The following SAV1 variants were observed in gnomAD, a reference collection of about 807,000 sequenced individuals.
SAV1 encodes the protein protein salvador homolog 1.
In SAV1, 23 loss-of-function variants were observed where a neutral mutation model predicts 47.3. The observed-to-expected ratio is 0.49, with a 90% CI of 0.35 to 0.69. The LOEUF is 0.69. Ranked by LOEUF, SAV1 falls within the 30% of genes least tolerant of loss-of-function variation. SAV1 has a pLI of 0.01. For synonymous variants in SAV1, 155 were observed against 159.2 expected (o/e 0.97, Z 0.20); for missense variants, 448 against 457.4 (o/e 0.98, Z 0.19).
intron 2 of SAV1, among the ~76,000 whole-genome samples, chr14:50,648,436 A>G (rs1000262128): frequency 6.6e-6 from 1 of 152,192 alleles, no homozygotes; most frequent in African/African-American, 2.4e-5. Flanking sequence ...TAAATTTACT[A>G]TACTTTTTAA....
intron 2 of SAV1, among the ~76,000 whole-genome samples, chr14:50,654,422 T>C (rs2039795155): frequency 6.6e-6 from 1 of 152,262 alleles, no homozygotes; most frequent in South Asian, 2.1e-4. Context: ...CCAGCAGCAA[T>C]GCAGTCACAT....
At chr14:50,658,140 C>T (rs748686677) in intron 2 of SAV1, among the ~76,000 whole-genome samples, 1 of 152,186 alleles carries the variant, frequency 6.6e-6, no homozygotes, top group Non-Finnish European at 1.5e-5. Context: ...AAGGTGGTGT[C>T]TCTAAAGATT....
chr14:50,653,176 A>G (rs766493071), intron 2 of SAV1, among the ~76,000 whole-genome samples: 6 of 152,226 alleles, frequency 3.9e-5, no homozygotes, highest in Non-Finnish European at 5.9e-5. Flanking sequence ...CAACAATGAA[A>G]TGCAATGCAG....
Position 50,634,272 on chromosome 14 carries a change from A to C in SAV1, c.*911T>G. 1 of 392,044 alleles carries C rather than the reference A, an allele frequency of 2.6e-6. No individual in the cohort carries two copies. The highest frequency in any genetic ancestry group is 1.8e-5 in the South Asian group (1 of 54,544). The allele number at this position is 392,044 out of a possible 1,614,324, so 24.3% of individuals were successfully genotyped here. ...CTTATATGTATTCCTGAAAGATTAA[A>C]AGGCCCGTCACCCATTCATACCAAA... On this transcript the variant is annotated 3_prime_UTR_variant, in exon 5 of 5. Coordinates refer to ENST00000324679, the MANE Select transcript of SAV1 (RefSeq NM_021818.4).
chr14:50,646,169 C>A (rs1251513804), intron 2 of SAV1, among the ~76,000 whole-genome samples: 2 of 152,120 alleles, frequency 1.3e-5, no homozygotes, highest in Non-Finnish European at 2.9e-5. Context: ...TTTTCCTATA[C>A]ATACGTATCT....
At chr14:50,642,852 T>C (rs2039691273) in intron 3 of SAV1, among the ~76,000 whole-genome samples, 1 of 152,220 alleles carries the variant, frequency 6.6e-6, no homozygotes. Context: ...TCTTTGATAG[T>C]ACAACTGGGG....
chr14:50,663,502 C>T (rs1286397163), intron 2 of SAV1, among the ~76,000 whole-genome samples: 1 of 152,172 alleles, frequency 6.6e-6, no homozygotes, highest in Admixed American at 6.5e-5. Flanking sequence ...TTTACCCATG[C>T]CTCTTACTGC....
At chr14:50,635,468 A>G (rs1019737887) in intron 4 of SAV1, 84 bp from the exon 5 acceptor site, 16 of 1,063,902 alleles carry the variant, frequency 1.5e-5, no homozygotes, top group Non-Finnish European at 2.1e-5. Context: ...GTTTTTTAAA[A>G]TGTCAACTTT....
At chr14:50,667,606 C>A in intron 1 of SAV1, 1 of 500,844 alleles carries the variant, frequency 2.0e-6, no homozygotes, top group South Asian at 2.2e-5. Context: ...TCAAAACCAA[C>A]AACTCTGCCT....
chr14:50,646,494 T>G (rs1317468393), intron 2 of SAV1, among the ~76,000 whole-genome samples: 2 of 152,130 alleles, frequency 1.3e-5, no homozygotes, highest in Non-Finnish European at 2.9e-5. Context: ...GAGACCAGCC[T>G]GACCAACATG....
intron 4 of SAV1, among the ~76,000 whole-genome samples, chr14:50,638,207 CTTCT>C (rs2039652297): frequency 6.6e-6 from 1 of 152,088 alleles, no homozygotes; most frequent in Non-Finnish European, 1.5e-5. Flanking sequence ...CTAAGTGTTC[CTTCT>C]TTTTCTGAAA....
At chr14:50,667,078 C>A (rs1490059138) in intron 1 of SAV1, among the ~76,000 whole-genome samples, 2 of 152,066 alleles carry the variant, frequency 1.3e-5, no homozygotes, top group Non-Finnish European at 2.9e-5. Context: ...CAGCTCCATG[C>A]CTCACAAATG....
At chr14:50,648,974 A>G (rs1415802036) in intron 2 of SAV1, among the ~76,000 whole-genome samples, 1 of 152,150 alleles carries the variant, frequency 6.6e-6, no homozygotes, top group Admixed American at 6.5e-5. Context: ...TATAACTTTC[A>G]ATATGAAGCC....
chr14:50,652,725 C>T (rs1446828769), intron 2 of SAV1, among the ~76,000 whole-genome samples: 1 of 152,102 alleles, frequency 6.6e-6, no homozygotes, highest in Non-Finnish European at 1.5e-5. Flanking sequence ...AGAAAAACAT[C>T]AGACTTTTGA....
At position 50,667,942 on chromosome 14, in the gene SAV1, T is replaced by C. The variant is rs1414794046; in HGVS notation, c.26A>G (p.Asn9Ser). 61 of 1,611,464 alleles carry C rather than the reference T, an allele frequency of 3.8e-5. No homozygotes were observed. Among genetic ancestry groups the C allele is most frequent in the Non-Finnish European group, 4.9e-5 (58 of 1,179,066 alleles). MLSRKKTK[N>S]EVSKPAEVQG... ...CACCTCGGCCGGCTTGGACACTTCG[T>C]TTTTGGTTTTCTTTCGGGACAGCAT... is the stretch of plus-strand genomic sequence containing the variant. Residue 9 changes from asparagine to serine, a missense_variant, in exon 1 of 5, where the codon AAC becomes AGC. Asn to Ser is a conservative substitution (Grantham distance 46). Transcript: ENST00000324679.
intron 2 of SAV1, among the ~76,000 whole-genome samples, chr14:50,652,393 T>C (rs1207777028): frequency 3.3e-5 from 5 of 152,124 alleles, no homozygotes; most frequent in Admixed American, 3.3e-4. Context: ...ATCCACCAAA[T>C]AGCAATGAGT....
At chr14:50,667,678 G>A (rs536294569) in intron 1 of SAV1, among the ~76,000 whole-genome samples, 196 bp downstream of exon 1, 46 of 150,430 alleles carry the variant, frequency 3.1e-4, no homozygotes, top group Admixed American at 2.7e-3. Flanking sequence ...GCGCGGGGGG[G>A]ACTAACCCAA....
intron 2 of SAV1, among the ~76,000 whole-genome samples, chr14:50,651,406 CA>C (rs1385756710): frequency 1.3e-5 from 2 of 151,914 alleles, no homozygotes; most frequent in African/African-American, 4.8e-5. Flanking sequence ...TGGAAGAGGA[CA>C]GGGGTAGAAT....
intron 4 of SAV1, among the ~76,000 whole-genome samples, chr14:50,640,367 G>A (rs2039671411): frequency 6.6e-6 from 1 of 152,102 alleles, no homozygotes; most frequent in Admixed American, 6.6e-5. Context: ...AGATCCTCCT[G>A]CCTCAGCCTC....
Sources: gnomAD v4.1 joint callset for allele counts (sites outside exome capture counted in the v4.1 genomes callset) on GRCh38, gnomAD v4.1.1 for gene constraint, MANE v1.5 for transcripts, NCBI Gene and HGNC (gene_info 2026-07-23, HGNC 2026-07-21) for gene names.